Variants in FBLN7 observed in about 807,000 individuals in gnomAD.
The protein encoded by FBLN7 is fibulin-7.
Under a neutral mutation model 44.0 loss-of-function variants are expected in FBLN7, and 31 were observed. The observed-to-expected ratio is 0.70, with a 90% CI of 0.53 to 0.95. FBLN7 has a LOEUF of 0.95. Among genes scored for constraint, FBLN7 ranks in the 40% least tolerant of loss-of-function variants. FBLN7 has a pLI of 0.00. For missense variants in FBLN7, 573 were observed against 618.5 expected, an observed-to-expected ratio of 0.93 and a Z score of 0.78; for synonymous variants, 262 against 253.4, an observed-to-expected ratio of 1.03 and a Z score of -0.32.
intron 4 of FBLN7, 48 bp from the exon 5 acceptor site, chr2:112,181,691 A>G: frequency 7.4e-7 from 1 of 1,349,782 alleles, no homozygotes; most frequent in Non-Finnish European, 9.5e-7. Context: ...GGTCGGGCCC[A>G]CGGCAGGTGC....
chr2:112,145,662 A>G (rs10196498), intron 1 of FBLN7, among the ~76,000 whole-genome samples: 68,825 of 151,996 alleles, frequency 0.45, 15,841 homozygotes, highest in Middle Eastern at 0.64. Flanking sequence ...TTCTTCTAAA[A>G]TTTTTATAGT....
chr2:112,212,552 C>T, the FBLN7 span: 3 of 152,072 alleles, frequency 2.0e-5, no homozygotes, highest in Non-Finnish European at 2.9e-5. Flanking sequence ...AAAATGGCTT[C>T]AACAATAATG....
chr2:112,233,727 G>A, the FBLN7 span, among the ~76,000 whole-genome samples: 1 of 152,078 alleles, frequency 6.6e-6, no homozygotes, highest in African/African-American at 2.4e-5. Flanking sequence ...AAATTAGCTG[G>A]GTGTGGTGGC....
chr2:112,224,360 CAA>C, the FBLN7 span, among the ~76,000 whole-genome samples: 56 of 152,174 alleles, frequency 3.7e-4, no homozygotes, highest in African/African-American at 1.2e-3. Flanking sequence ...AACAAAGAAA[CAA>C]AAAGTCCAAC....
the FBLN7 span, among the ~76,000 whole-genome samples, chr2:112,203,606 A>T: frequency 2.0e-5 from 3 of 152,214 alleles, no homozygotes; most frequent in Non-Finnish European, 4.4e-5. Context: ...GTATGCTCCC[A>T]TGCATAAACA....
intron 2 of FBLN7, 149 bp from the exon 3 acceptor site, chr2:112,164,852 C>A: frequency 1.2e-6 from 1 of 832,324 alleles, no homozygotes; most frequent in Non-Finnish European, 1.9e-6. Flanking sequence ...CTTGATGAGA[C>A]GCAGCATGCA....
At chr2:112,208,679 CTCTTTT>C in the FBLN7 span, among the ~76,000 whole-genome samples, 1 of 152,140 alleles carries the variant, frequency 6.6e-6, no homozygotes, top group East Asian at 1.9e-4. Context: ...ACTACTCTCT[CTCTTTT>C]TATCTCCACT....
intron 1 of FBLN7, among the ~76,000 whole-genome samples, chr2:112,156,714 C>T (rs1681448917): frequency 6.6e-6 from 1 of 152,342 alleles, no homozygotes; most frequent in Non-Finnish European, 1.5e-5. Context: ...GCGTTTGGGG[C>T]TGTGCCTGGT....
intron 2 of FBLN7, among the ~76,000 whole-genome samples, chr2:112,160,791 CG>C (rs1303299576): frequency 2.1e-5 from 3 of 145,256 alleles, no homozygotes; most frequent in African/African-American, 7.8e-5. Context: ...CGCACGCACA[CG>C]CACACACGCA....
chr2:112,234,067 A>ACAGAAAGAGAG, the FBLN7 span: 1 of 1,053,754 alleles, frequency 9.5e-7, no homozygotes. Context: ...AGAGTATCAA[A>ACAGAAAGAGAG]CAGAAAGAGC....
the FBLN7 span, among the ~76,000 whole-genome samples, chr2:112,230,077 G>A: frequency 2.0e-5 from 3 of 152,082 alleles, no homozygotes; most frequent in Admixed American, 2.0e-4. Flanking sequence ...AAAAACATGG[G>A]CAAAGACATT....
the FBLN7 span, among the ~76,000 whole-genome samples, chr2:112,210,508 T>C: frequency 1.3e-5 from 2 of 151,522 alleles, no homozygotes; most frequent in Non-Finnish European, 2.9e-5. Context: ...ATACAAAAAT[T>C]AGCCAGGCAT....
chr2:112,146,805 T>G (rs1680921008), intron 1 of FBLN7, among the ~76,000 whole-genome samples: 1 of 152,226 alleles, frequency 6.6e-6, no homozygotes, highest in South Asian at 2.1e-4. Flanking sequence ...ATTTATGTAT[T>G]TAGCCTTATT....
the FBLN7 span, among the ~76,000 whole-genome samples, chr2:112,218,174 C>T: frequency 6.6e-6 from 1 of 152,190 alleles, no homozygotes; most frequent in African/African-American, 2.4e-5. Context: ...CTTCATCTAT[C>T]TTCCCATTCT....
chr2:112,171,905 C>T (rs1364702774), intron 3 of FBLN7, among the ~76,000 whole-genome samples: 1 of 152,110 alleles, frequency 6.6e-6, no homozygotes, highest in Admixed American at 6.5e-5. Context: ...CGCCACCATA[C>T]CCGGCTAATT....
rs1680466425 is a variant in FBLN7, at chr2:112,138,638, G to C, written c.-18G>C. ...AAAGTTATTTCCCCTCCCAGGCAGCGGGATTCCGACTGGCAAGATGGTGCC... is the reference window on the plus strand; with the variant it reads ...AAAGTTATTTCCCCTCCCAGGCAGCCGGATTCCGACTGGCAAGATGGTGCC... On this transcript the variant is annotated 5_prime_UTR_variant, in exon 1 of 8. Transcript: ENST00000331203. 1.2e-6 allele frequency: 2 copies of C among 1,613,690 alleles called. No homozygotes were observed. The highest frequency in any genetic ancestry group is 1.7e-6 in the Non-Finnish European group (2 of 1,179,816).
the FBLN7 span, among the ~76,000 whole-genome samples, chr2:112,196,478 C>A: frequency 6.7e-6 from 1 of 149,194 alleles, no homozygotes; most frequent in African/African-American, 2.5e-5. Flanking sequence ...TGTTCTCATG[C>A]CACTTCAGTC....
At chr2:112,237,152 T>C in the FBLN7 span, among the ~76,000 whole-genome samples, 1 of 152,220 alleles carries the variant, frequency 6.6e-6, no homozygotes, top group African/African-American at 2.4e-5. Context: ...AGTGATCAGT[T>C]TTCCTAGAAG....
At chr2:112,184,131 G>C (rs1291793631) in intron 6 of FBLN7, among the ~76,000 whole-genome samples, 1 of 152,186 alleles carries the variant, frequency 6.6e-6, no homozygotes, top group African/African-American at 2.4e-5. Flanking sequence ...CTTTCGGGGG[G>C]CTGGTTCTGC....
Sources: allele counts gnomAD v4.1 joint callset (sites outside exome capture counted in the v4.1 genomes callset), GRCh38; gene constraint gnomAD v4.1.1; transcripts MANE v1.5; gene names NCBI Gene and HGNC (gene_info 2026-07-23, HGNC 2026-07-21).